LHFPL3: variants seen among roughly 807,000 people sequenced by gnomAD.
The protein encoded by LHFPL3 is LHFPL tetraspan subfamily member 3.
Under a neutral mutation model 19.3 loss-of-function variants are expected in LHFPL3, and 5 were observed. The observed-to-expected ratio is 0.26, with a 90% confidence interval of 0.14 to 0.54. The LOEUF (loss-of-function observed/expected upper bound fraction) is 0.54. LHFPL3 is among the 20% of genes least tolerant of loss of function. LHFPL3 has a pLI of 0.94. For synonymous variants in LHFPL3, 133 were observed against 126.2 expected (o/e 1.05, Z -0.36); for missense variants, 249 against 307.4 (o/e 0.81, Z 1.42).
chr7:104,512,727 A>G (rs1793843249), intron 1 of LHFPL3, among the ~76,000 whole-genome samples: 1 of 151,888 alleles, frequency 6.6e-6, no homozygotes, highest in Non-Finnish European at 1.5e-5. Flanking sequence ...CAGAGTGAGG[A>G]CACCTTCTCA....
intron 1 of LHFPL3, among the ~76,000 whole-genome samples, chr7:104,682,864 A>G (rs1321035946): frequency 6.6e-6 from 1 of 152,252 alleles, no homozygotes; most frequent in African/African-American, 2.4e-5. Context: ...ATATATGACT[A>G]TAAAAGCAAT....
At chr7:104,555,487 C>A (rs977620781) in intron 1 of LHFPL3, among the ~76,000 whole-genome samples, 1 of 152,132 alleles carries the variant, frequency 6.6e-6, no homozygotes, top group African/African-American at 2.4e-5. Flanking sequence ...CAAGAAACTC[C>A]CACTTTTAAA....
chr7:104,554,302 A>G (rs1192628491), intron 1 of LHFPL3, among the ~76,000 whole-genome samples: 1 of 152,014 alleles, frequency 6.6e-6, no homozygotes, highest in Non-Finnish European at 1.5e-5. Flanking sequence ...TATTTTCATT[A>G]ATATTTATTT....
chr7:104,829,495 A>G (rs1307730616), intron 2 of LHFPL3, among the ~76,000 whole-genome samples: 1 of 150,930 alleles, frequency 6.6e-6, no homozygotes, highest in Non-Finnish European at 1.5e-5. Flanking sequence ...CCTACCCCAC[A>G]ACAGTCCCCG....
intron 1 of LHFPL3, among the ~76,000 whole-genome samples, chr7:104,596,784 C>T (rs17421950): frequency 0.044 from 6,653 of 152,264 alleles, 165 homozygotes; most frequent in African/African-American, 0.064. Context: ...CGTGCATTGC[C>T]AGAAAATGTG....
At chr7:104,807,213 C>T (rs1050135749) in intron 2 of LHFPL3, among the ~76,000 whole-genome samples, 1 of 152,050 alleles carries the variant, frequency 6.6e-6, no homozygotes, top group African/African-American at 2.4e-5. Context: ...CACAGACAGA[C>T]ATGCACAGAG....
intron 1 of LHFPL3, among the ~76,000 whole-genome samples, chr7:104,728,377 A>C (rs1793628838): frequency 6.6e-6 from 1 of 152,172 alleles, no homozygotes; most frequent in Non-Finnish European, 1.5e-5. Flanking sequence ...GCTAAGCTAC[A>C]TACCCTGGAA....
intron 1 of LHFPL3, among the ~76,000 whole-genome samples, chr7:104,565,153 A>G (rs997332068): frequency 3.7e-4 from 57 of 152,342 alleles, no homozygotes; most frequent in African/African-American, 1.3e-3. Context: ...AAAAGTACAA[A>G]TAAGTCTTTG....
At chr7:104,889,631 C>T (rs1442772697) in intron 2 of LHFPL3, among the ~76,000 whole-genome samples, 1 of 152,132 alleles carries the variant, frequency 6.6e-6, no homozygotes, top group Non-Finnish European at 1.5e-5. Flanking sequence ...CAGAGCAAGA[C>T]TCTGTCTCAG....
intron 2 of LHFPL3, among the ~76,000 whole-genome samples, chr7:104,884,831 G>A (rs761256088): frequency 2.6e-5 from 4 of 152,200 alleles, no homozygotes; most frequent in Non-Finnish European, 4.4e-5. Flanking sequence ...GAGGGGTTCT[G>A]TAACTTAACA....
At chr7:104,890,099 G>A (rs1028340676) in intron 2 of LHFPL3, among the ~76,000 whole-genome samples, 3 of 152,196 alleles carry the variant, frequency 2.0e-5, no homozygotes, top group South Asian at 2.1e-4. Flanking sequence ...AGGAGTTTGA[G>A]ACCAGCCTGG....
At chr7:104,617,567 A>G (rs1340005145) in intron 1 of LHFPL3, among the ~76,000 whole-genome samples, 1 of 152,230 alleles carries the variant, frequency 6.6e-6, no homozygotes, top group Non-Finnish European at 1.5e-5. Context: ...AATCTAATCA[A>G]TAACCTTCTG....
rs545954680 is a variant in LHFPL3, at chr7:104,549,076, A to G, written c.446-187599A>G. On this transcript the variant is annotated intron_variant, in intron 1 of 2. Transcript: ENST00000424859. ...GGGACCTCTACAGGTTGAGATAGGA[A>G]TTTATAAAACTTGAACAGGAAGTAA... 3.9e-5 allele frequency among the ~76,000 whole-genome samples: 6 copies of G among 152,240 alleles called. No individual in the cohort carries two copies. In the South Asian group the frequency reaches 1.2e-3, roughly 32 times the overall value.
In LHFPL3 at chr7:104,823,157, T is replaced by A. The variant is rs368207352; in HGVS notation, c.683-83030T>A. The stretch of plus-strand genomic sequence containing the variant: ...TGAAACATGTGGAGAATGTTATCAA[T>A]AGCTCCCCAGATTAATAAATAATTT... On this transcript the variant is annotated intron_variant, in intron 2 of 2. Coordinates refer to ENST00000424859, the MANE Select transcript of LHFPL3 (RefSeq NM_199000.3). Among the ~76,000 whole-genome samples the A allele has an allele frequency of 3.3e-5, 5 of 152,304 alleles. No homozygotes were observed. The East Asian group carries it at 7.7e-4, about 23-fold the overall frequency.
chr7:104,530,621 G>A lies in LHFPL3; in HGVS notation c.445+201397G>A, dbSNP rs920435409. Among the ~76,000 whole-genome samples the A allele has an allele frequency of 7.2e-5, 11 of 152,250 alleles. No individual in the cohort carries two copies. The South Asian group carries it at 8.3e-4, about 11-fold the overall frequency. ...TTCATTCATTTCTTAACCATAGTTC[G>A]TTAAATTTAACAGTTGTGTGACTCG... is the stretch of plus-strand genomic sequence containing the variant. On this transcript the variant is annotated intron_variant, in intron 1 of 2. Transcript: ENST00000424859.
chr7:104,701,164 A>G (rs1166053814), intron 1 of LHFPL3, among the ~76,000 whole-genome samples: 1 of 152,156 alleles, frequency 6.6e-6, no homozygotes, highest in East Asian at 1.9e-4. Flanking sequence ...AGAATTTTTA[A>G]GGAATTGCTG....
intron 1 of LHFPL3, among the ~76,000 whole-genome samples, chr7:104,618,890 A>T (rs576400856): frequency 1.3e-5 from 2 of 152,232 alleles, no homozygotes; most frequent in African/African-American, 2.4e-5. Context: ...CAAGTTAATG[A>T]TGTGCAATGC....
chr7:104,716,905 C>T (rs1236226941), intron 1 of LHFPL3, among the ~76,000 whole-genome samples: 1 of 152,302 alleles, frequency 6.6e-6, no homozygotes, highest in South Asian at 2.1e-4. Context: ...AGACATCATA[C>T]TTCCTGATTT....
chr7:104,675,727 C>T lies in LHFPL3; in HGVS notation c.446-60948C>T, dbSNP rs139802889. On this transcript the variant is annotated intron_variant, in intron 1 of 2. Coordinates refer to ENST00000424859, the MANE Select transcript of LHFPL3 (RefSeq NM_199000.3). ...AATCAAATGTGGGGCACGAGACAGACACCTGGGTTTTTCTCAAATGACACC... is the reference window on the plus strand; with the variant it reads ...AATCAAATGTGGGGCACGAGACAGATACCTGGGTTTTTCTCAAATGACACC... 1.1e-3 allele frequency among the ~76,000 whole-genome samples: 172 copies of T among 152,260 alleles called. 1 individual carries two copies. Among genetic ancestry groups the T allele is most frequent in the African/African-American group, 3.5e-3 (147 of 41,532 alleles).
Sources: allele counts gnomAD v4.1 joint callset (sites outside exome capture counted in the v4.1 genomes callset), GRCh38; gene constraint gnomAD v4.1.1; transcripts MANE v1.5; gene names NCBI Gene and HGNC (gene_info 2026-07-23, HGNC 2026-07-21).